The following CLIC2 variants were observed in gnomAD, a reference collection of about 807,000 sequenced individuals.
CLIC2 encodes chloride intracellular channel protein 2.
CLIC2 carries 9 observed loss-of-function variants against 14.8 expected under a neutral mutation model. That is an observed-to-expected ratio of 0.61 (90% CI 0.37 to 1.06). CLIC2 has a LOEUF of 1.06. Among genes scored for constraint, CLIC2 ranks in the 50% least tolerant of loss-of-function variants. The pLI is 0.01. For synonymous variants in CLIC2, 61 were observed against 66.3 expected (o/e 0.92, Z 0.39); for missense variants, 148 against 181.4 (o/e 0.82, Z 1.06).
At chrX:155,298,997 C>T in intron 2 of CLIC2, 39 bp downstream of exon 2, 1 of 1,169,106 alleles carries the variant, frequency 8.6e-7, no homozygotes, top group Non-Finnish European at 1.2e-6. Context: ...ATCTACCAAT[C>T]TCAATTCCTA....
intron 1 of CLIC2, among the ~76,000 whole-genome samples, chrX:155,313,690 A>AC (rs1195228831): frequency 8.9e-6 from 1 of 111,796 alleles, no homozygotes; most frequent in East Asian, 2.8e-4. Context: ...TAATCCACAG[A>AC]CCCTTTGAAG....
At chrX:155,289,523 G>A (rs181894592) in intron 3 of CLIC2, among the ~76,000 whole-genome samples, 87 of 112,352 alleles carry the variant, frequency 7.7e-4, no homozygotes, top group African/African-American at 2.7e-3. Flanking sequence ...TATTTGTTCA[G>A]AAGTGACAAA....
intron 1 of CLIC2, among the ~76,000 whole-genome samples, chrX:155,319,438 C>T (rs1448559682): frequency 2.7e-5 from 3 of 112,018 alleles, no homozygotes; most frequent in African/African-American, 9.7e-5. Context: ...CGTCACCTCA[C>T]TCAGGAAGCA....
intron 3 of CLIC2, among the ~76,000 whole-genome samples, chrX:155,282,706 C>G (rs1175488098): frequency 1.8e-5 from 2 of 111,216 alleles, no homozygotes; most frequent in Admixed American, 9.6e-5. Context: ...CCAGACTCAG[C>G]TTTCAGGCCC....
rs2075022895 is a variant in CLIC2 at position 155,302,312 on chromosome X, G to C, written c.58-3167C>G. 6.5e-5 allele frequency among the ~76,000 whole-genome samples: 7 copies of C among 106,956 alleles called. No homozygotes were observed. The South Asian group carries it at 3.0e-3, about 45-fold the overall frequency. The allele number at this position is 106,956 out of a possible 115,157, so 92.9% of individuals were successfully genotyped here. On this transcript the variant is annotated intron_variant, in intron 1 of 5. Transcript: ENST00000369449. ...TTCTTCCTGGTTTAGTCTTGGGAGA[G>C]TGTATATGTCCAGGAATTTATCCAT...
chrX:155,317,391 C>T (rs1373479328), intron 1 of CLIC2, among the ~76,000 whole-genome samples: 1 of 111,457 alleles, frequency 9.0e-6, no homozygotes, highest in Non-Finnish European at 1.9e-5. Context: ...ACTGATACGA[C>T]AGAAATACAA....
chrX:155,280,155 G>A (rs1270602191), intron 3 of CLIC2, 87 bp from the exon 4 acceptor site: 1 of 601,645 alleles, frequency 1.7e-6, no homozygotes, highest in Non-Finnish European at 2.8e-6. Context: ...GAAAATGGAA[G>A]TTCTGGAACA....
intron 1 of CLIC2, among the ~76,000 whole-genome samples, chrX:155,301,488 T>C (rs1219507127): frequency 9.2e-6 from 1 of 108,262 alleles, no homozygotes; most frequent in Non-Finnish European, 1.9e-5. Flanking sequence ...GCTGAGACAA[T>C]GGGGTTTTCT....
intron 1 of CLIC2, among the ~76,000 whole-genome samples, chrX:155,314,935 C>A (rs115707118): frequency 0.029 from 3,224 of 111,467 alleles, 106 homozygotes; most frequent in African/African-American, 0.096. Context: ...ATTAAGGACA[C>A]ACTTATAGAA....
chrX:155,302,257 T>G (rs1157744295), intron 1 of CLIC2, among the ~76,000 whole-genome samples: 17 of 108,037 alleles, frequency 1.6e-4, no homozygotes, highest in African/African-American at 2.0e-4. Context: ...CAATTTCAGC[T>G]CCTGTTATTG....
chrX:155,307,173 T>C (rs373003150), intron 1 of CLIC2, among the ~76,000 whole-genome samples: 4 of 111,449 alleles, frequency 3.6e-5, no homozygotes, highest in African/African-American at 1.3e-4. Flanking sequence ...AGAGATAAAT[T>C]ATTTGAAGAA....
rs185139709 is a variant in CLIC2 at position 155,286,078 on chromosome X, A to G, written c.294-6010T>C. On this transcript the variant is annotated intron_variant, in intron 3 of 5. Transcript: ENST00000369449. ...TGCTGTACAGATTATTTCATCACCA[A>G]GGTATTAAGCTCAGTACCCAGTTGT... 4.7e-3 allele frequency among the ~76,000 whole-genome samples: 524 copies of G among 112,006 alleles called. 2 individuals carry two copies. The highest frequency in any genetic ancestry group is 8.4e-3 in the Non-Finnish European group (447 of 53,170).
At chrX:155,292,301 C>T (rs1366710011) in intron 3 of CLIC2, 6 of 567,583 alleles carry the variant, frequency 1.1e-5, no homozygotes, top group Non-Finnish European at 1.9e-5. Context: ...TACTGAAACT[C>T]AATGCACTCT....
intron 3 of CLIC2, among the ~76,000 whole-genome samples, chrX:155,298,004 C>T (rs1360118791): frequency 9.2e-6 from 1 of 108,943 alleles, no homozygotes; most frequent in East Asian, 2.9e-4. Context: ...CCAACCCAAC[C>T]CCAACAAACA....
chrX:155,284,329 G>T (rs1557316881), intron 3 of CLIC2, among the ~76,000 whole-genome samples: 1 of 103,194 alleles, frequency 9.7e-6, no homozygotes, highest in African/African-American at 3.6e-5. Flanking sequence ...GCGCAATCTC[G>T]GCTCACCACA....
chrX:155,323,720 T>C (rs1243823130), intron 1 of CLIC2, among the ~76,000 whole-genome samples: 5 of 111,725 alleles, frequency 4.5e-5, no homozygotes, highest in Middle Eastern at 9.2e-3. Flanking sequence ...CATATACAAA[T>C]AGGAAGAGAG....
chrX:155,297,884 A>AAAAAAAAAAAAAAAAAAAGAAG (rs1557318527), intron 3 of CLIC2, among the ~76,000 whole-genome samples: 1 of 45,217 alleles, frequency 2.2e-5, no homozygotes, highest in Non-Finnish European at 4.9e-5. Context: ...AAAAAAAAAA[A>AAAAAAAAAAAAAAAAAAAGAAG]AAGAAGGTGA....
chrX:155,331,980 T>C (rs1557322869), intron 1 of CLIC2, among the ~76,000 whole-genome samples: 1 of 111,670 alleles, frequency 9.0e-6, no homozygotes, highest in African/African-American at 3.2e-5. Context: ...TTCCATAATT[T>C]TATGTACAAA....
At chrX:155,278,193 T>C in intron 5 of CLIC2, 129 bp from the exon 6 acceptor site, 1 of 541,392 alleles carries the variant, frequency 1.8e-6, no homozygotes, top group Non-Finnish European at 3.1e-6. Flanking sequence ...AAATAAACTA[T>C]GAAGTAGACA....
Sources: allele counts gnomAD v4.1 joint callset (sites outside exome capture counted in the v4.1 genomes callset), GRCh38; gene constraint gnomAD v4.1.1; transcripts MANE v1.5; gene names NCBI Gene and HGNC (gene_info 2026-07-23, HGNC 2026-07-21).